The following NKIRAS2 variants were observed in gnomAD, a reference collection of about 807,000 sequenced individuals.
NKIRAS2 encodes NFKB inhibitor interacting Ras like 2.
A neutral mutation model predicts 20.7 loss-of-function variants in NKIRAS2; 15 were observed. That is an observed-to-expected ratio of 0.73 (90% CI 0.49 to 1.12). The LOEUF is 1.12. Among genes scored for constraint, NKIRAS2 ranks in the 50% most tolerant of loss-of-function variants. The probability of loss-of-function intolerance (pLI) is 0.00; values close to 1 mark genes in which losing one functional copy is unlikely to be tolerated. For missense variants in NKIRAS2, 196 were observed against 249.6 expected (o/e 0.79, Z 1.45); for synonymous variants, 116 against 101.4 (o/e 1.14, Z -0.87).
chr17:42,023,966 A>C lies in NKIRAS2; in HGVS notation c.*73A>C. 2 of 1,567,176 alleles carry C rather than the reference A, an allele frequency of 1.3e-6. No homozygotes were observed. The highest frequency in any genetic ancestry group is 1.7e-6 in the Non-Finnish European group (2 of 1,158,150). On this transcript the variant is annotated 3_prime_UTR_variant, in exon 4 of 4. Coordinates refer to ENST00000393885, the MANE Select transcript of NKIRAS2 (RefSeq NM_017595.6). ...GGGCTCTGGTAGATGTGTTGAGGGC[A>C]AAGTAGAGGACAAGCTGTCTTTCCC...
chr17:42,023,122 G>C, intron 3 of NKIRAS2: 2 of 330,432 alleles, frequency 6.1e-6, no homozygotes, highest in Non-Finnish European at 1.2e-5. Flanking sequence ...TCCTGCCTCA[G>C]CCCCCTGCTA....
upstream of NKIRAS2, chr17:42,019,948 C>A (rs2052397901): frequency 6.6e-6 from 1 of 152,294 alleles, no homozygotes; most frequent in South Asian, 2.1e-4. Flanking sequence ...ACCTTGGGCT[C>A]CCGCGCACAC....
chr17:42,022,461 G>GT lies in NKIRAS2; in HGVS notation c.158dup (p.Arg54AlafsTer8). 2 of 1,612,402 alleles carry GT rather than the reference G, an allele frequency of 1.2e-6. No individual in the cohort carries two copies. The highest frequency in any genetic ancestry group is 1.7e-6 in the Non-Finnish European group (2 of 1,178,544). ...GGGCTCCATTGAGACAGACCGGGGG[G>GT]TGCGAGAGCAGGTGCGTTTCTATGA... On this transcript the variant is annotated frameshift_variant, in exon 3 of 4. Transcript: ENST00000393885. LOFTEE classifies it high-confidence loss of function.
At chr17:42,018,221 C>T (rs1442947190), upstream of NKIRAS2, among the ~76,000 whole-genome samples, 1 of 152,148 alleles carries the variant, frequency 6.6e-6, no homozygotes, top group Non-Finnish European at 1.5e-5. Context: ...ACTCATCACG[C>T]TTGCCTTGCC....
rs1193571407 is a variant in NKIRAS2 at position 42,024,200 on chromosome 17, C to T, written c.*307C>T. On this transcript the variant is annotated 3_prime_UTR_variant, in exon 4 of 4. Transcript: ENST00000393885. The stretch of plus-strand genomic sequence containing the variant: ...AGCTGCCCCAGACAGGAAGCAGAGT[C>T]ACCACGCAGCAGTGTCCCTTCTTGG... 7.8e-6 allele frequency: 3 copies of T among 384,908 alleles called. No homozygotes were observed. The highest frequency in any genetic ancestry group is 1.5e-5 in the Non-Finnish European group (3 of 206,160). The allele number at this position is 384,908 out of a possible 1,614,324, so 23.8% of individuals were successfully genotyped here.
In NKIRAS2 at chr17:42,024,121, T is replaced by G; in HGVS notation, c.*228T>G. 1 of 584,344 alleles carries G rather than the reference T, an allele frequency of 1.7e-6. No homozygotes were observed. Among genetic ancestry groups the G allele is most frequent in the East Asian group, 3.4e-5 (1 of 29,780 alleles). The allele number at this position is 584,344 out of a possible 1,614,324, so 36.2% of individuals were successfully genotyped here. On this transcript the variant is annotated 3_prime_UTR_variant, in exon 4 of 4. Coordinates refer to ENST00000393885, the MANE Select transcript of NKIRAS2 (RefSeq NM_017595.6). ...CCCAGCCTACTCCCCATCCCAGCTT[T>G]TAGAGGATCTGCTCCACTGTCTCCT... is the stretch of plus-strand genomic sequence containing the variant.
In NKIRAS2 at chr17:42,021,619, T is replaced by G; in HGVS notation, c.42T>G (p.Ser14=). The G allele has an allele frequency of 6.2e-7, 1 of 1,614,196 alleles. No homozygotes were observed. Among genetic ancestry groups the G allele is most frequent in the Non-Finnish European group, 8.5e-7 (1 of 1,180,012 alleles). ...AGGTGGTCGTGTGTGGCCAGGCGTCTGTGGGCAAAACTTCAATCCTGGAGC... is the reference window on the plus strand; with the variant it reads ...AGGTGGTCGTGTGTGGCCAGGCGTCGGTGGGCAAAACTTCAATCCTGGAGC... ...SCKVVVCGQA[S]VGKTSILEQL... Residue 14 remains serine (S), a synonymous_variant, in exon 2 of 4, where the codon TCT becomes TCG. Coordinates refer to ENST00000393885, the MANE Select transcript of NKIRAS2 (RefSeq NM_017595.6).
chr17:42,020,069 G>C (rs1229935195), upstream of NKIRAS2: 1 of 152,386 alleles, frequency 6.6e-6, no homozygotes, highest in Non-Finnish European at 1.5e-5. Flanking sequence ...CTGGGGAGCG[G>C]GCAGGCGGCG....
rs782566390 is a variant in NKIRAS2 at position 42,021,687 on chromosome 17, G to C, written c.94+16G>C. The C allele has an allele frequency of 1.4e-5, 22 of 1,607,108 alleles. No homozygotes were observed. The highest frequency in any genetic ancestry group is 1.7e-5 in the Non-Finnish European group (20 of 1,173,626). Reference sequence around the variant, plus strand: ...CATGTAGTGGGTGAGTGTTGTTGGAGGGGGAGGAACAGTGGAAGAAGTTGA... The same window carrying C: ...CATGTAGTGGGTGAGTGTTGTTGGACGGGGAGGAACAGTGGAAGAAGTTGA... On this transcript the variant is annotated intron_variant, in intron 2 of 3. Coordinates refer to ENST00000393885, the MANE Select transcript of NKIRAS2 (RefSeq NM_017595.6).
rs782370487 is a variant in NKIRAS2 at position 42,022,491 on chromosome 17, C to A, written c.187C>A (p.Arg63=). The A allele has an allele frequency of 2.7e-5, 44 of 1,613,946 alleles. No individual in the cohort carries two copies. The South Asian group carries it at 4.7e-4, about 17-fold the overall frequency. ...VREQVRFYDT[R]GLRDGAELPR... Reference sequence around the variant, plus strand: ...AGAGCAGGTGCGTTTCTATGACACCCGGGGGCTCCGAGATGGGGCCGAACT... The same window carrying A: ...AGAGCAGGTGCGTTTCTATGACACCAGGGGGCTCCGAGATGGGGCCGAACT... Residue 63 remains arginine (R), a synonymous_variant, in exon 3 of 4, where the codon CGG becomes AGG. Coordinates refer to ENST00000393885, the MANE Select transcript of NKIRAS2 (RefSeq NM_017595.6).
intron 2 of NKIRAS2, 120 bp from the exon 3 acceptor site, chr17:42,022,279 C>A: frequency 2.0e-6 from 2 of 1,015,962 alleles, no homozygotes; most frequent in African/African-American, 1.6e-5. Context: ...GCTGTCAATT[C>A]TCTGGCCTCC....
chr17:42,023,129 G>A (rs1555653446), intron 3 of NKIRAS2: 15 of 320,106 alleles, frequency 4.7e-5, no homozygotes, highest in Non-Finnish European at 2.6e-5. Flanking sequence ...TCAGCCCCCT[G>A]CTAAGACTAC....
At chr17:42,023,601 A>G in intron 3 of NKIRAS2, 53 bp from the exon 4 acceptor site, 1 of 1,564,266 alleles carries the variant, frequency 6.4e-7, no homozygotes, top group Non-Finnish European at 8.7e-7. Flanking sequence ...CCCCATGTCC[A>G]TTCCTGGTTC....
At chr17:42,023,601 A>C in intron 3 of NKIRAS2, 53 bp from the exon 4 acceptor site, 1 of 1,564,266 alleles carries the variant, frequency 6.4e-7, no homozygotes. Context: ...CCCCATGTCC[A>C]TTCCTGGTTC....
intron 2 of NKIRAS2, 146 bp from the exon 3 acceptor site, chr17:42,022,253 A>G (rs1301001383): frequency 1.3e-6 from 1 of 796,386 alleles, no homozygotes; most frequent in Non-Finnish European, 2.0e-6. Flanking sequence ...AACCCAAATC[A>G]TTTCAGTCCT....
At chr17:42,017,949 C>G (rs529967569), upstream of NKIRAS2, among the ~76,000 whole-genome samples, 2 of 152,132 alleles carry the variant, frequency 1.3e-5, no homozygotes, top group Non-Finnish European at 2.9e-5. Context: ...CCAGTCAAGC[C>G]AGGGGAACGC....
At chr17:42,021,161 C>T (rs563994049) in intron 1 of NKIRAS2, 1 of 185,438 alleles carries the variant, frequency 5.4e-6, no homozygotes, top group Admixed American at 5.3e-5. Context: ...GGGCTGAGCT[C>T]CCTTTACTAA....
chr17:42,020,738 C>T (rs2052424628), intron 1 of NKIRAS2: 1 of 152,098 alleles, frequency 6.6e-6, no homozygotes, highest in Non-Finnish European at 1.5e-5. Context: ...TACAGGAAAG[C>T]AGATTGTCTT....
upstream of NKIRAS2, chr17:42,017,685 C>G (rs2052345233): frequency 1.8e-6 from 1 of 564,680 alleles, no homozygotes. Context: ...CGGTGGTAGC[C>G]TCTCTAGGGC....
Sources: gnomAD v4.1 joint callset for allele counts (sites outside exome capture counted in the v4.1 genomes callset) on GRCh38, gnomAD v4.1.1 for gene constraint, MANE v1.5 for transcripts, NCBI Gene and HGNC (gene_info 2026-07-23, HGNC 2026-07-21) for gene names.